Variants in RLIG1 observed in about 807,000 individuals in gnomAD.
RLIG1 encodes RNA ligase 1.
chr12:88,039,605 TA>T, the RLIG1 span, among the ~76,000 whole-genome samples: 1 of 152,162 alleles, frequency 6.6e-6, no homozygotes, highest in Non-Finnish European at 1.5e-5. Context: ...CAAATTTGGT[TA>T]AAGGTTGCCT....
chr12:88,040,643 G>A, the RLIG1 span, among the ~76,000 whole-genome samples: 1 of 152,112 alleles, frequency 6.6e-6, no homozygotes, highest in Non-Finnish European at 1.5e-5. Flanking sequence ...ACCTATGTTC[G>A]TGTGACCCTT....
chr12:88,043,949 T>G, the RLIG1 span: 1 of 502,314 alleles, frequency 2.0e-6, no homozygotes, highest in African/African-American at 2.0e-5. Context: ...TTTTACTAGC[T>G]GTAGTCTGTG....
chr12:88,048,406 T>TAATA, the RLIG1 span: 1 of 1,421,738 alleles, frequency 7.0e-7, no homozygotes, highest in Non-Finnish European at 9.7e-7. Context: ...CTCAAAGATA[T>TAATA]AATATTTGAT....
At chr12:88,045,815 C>T in the RLIG1 span, 1 of 1,537,348 alleles carries the variant, frequency 6.5e-7, no homozygotes, top group Non-Finnish European at 8.9e-7. Flanking sequence ...GTTATTGTAA[C>T]TGACATTTAT....
chr12:88,040,786 C>T, the RLIG1 span, among the ~76,000 whole-genome samples: 1 of 87,070 alleles, frequency 1.1e-5, no homozygotes, highest in South Asian at 4.9e-4. Context: ...AAGAAATGTA[C>T]GGAAAAGAGA....
the RLIG1 span, among the ~76,000 whole-genome samples, chr12:88,039,768 G>A: frequency 3.3e-5 from 5 of 152,020 alleles, no homozygotes; most frequent in Non-Finnish European, 2.9e-5. Flanking sequence ...TTTCACCCAA[G>A]GCAGGTACTT....
the RLIG1 span, among the ~76,000 whole-genome samples, chr12:88,046,258 C>T: frequency 6.6e-6 from 1 of 152,124 alleles, no homozygotes; most frequent in East Asian, 1.9e-4. Context: ...GAAGACAGAC[C>T]TAAGGATGCT....
At chr12:88,043,733 C>G in the RLIG1 span, 1 of 1,540,016 alleles carries the variant, frequency 6.5e-7, no homozygotes, top group Non-Finnish European at 8.9e-7. Flanking sequence ...GATATCTCTT[C>G]TAGTGCAGTT....
chr12:88,043,063 GA>G, the RLIG1 span: 1 of 415,018 alleles, frequency 2.4e-6, no homozygotes, highest in Admixed American at 4.5e-5. Flanking sequence ...TATATAAAAG[GA>G]TATTATTGAA....
chr12:88,035,557 C>T, the RLIG1 span: 213 of 1,334,006 alleles, frequency 1.6e-4, no homozygotes, highest in Middle Eastern at 1.1e-3. Context: ...GTGGCCTGAG[C>T]CGTGCGGGTG....
chr12:88,037,142 A>T, the RLIG1 span, among the ~76,000 whole-genome samples: 4 of 152,152 alleles, frequency 2.6e-5, 1 homozygote, highest in African/African-American at 9.7e-5. Context: ...CATCCTGTGA[A>T]CATATCAACC....
chr12:88,042,813 T>C, the RLIG1 span: 20 of 1,473,672 alleles, frequency 1.4e-5, no homozygotes, highest in East Asian at 2.6e-5. Flanking sequence ...CCTTTTGTTA[T>C]TACTTTTTTA....
chr12:88,049,143 G>A, the RLIG1 span: 11 of 1,213,912 alleles, frequency 9.1e-6, no homozygotes, highest in Admixed American at 1.1e-4. Context: ...AACTTATAAA[G>A]TTAATAAATA....
At chr12:88,048,695 A>G in the RLIG1 span, 3 of 242,482 alleles carry the variant, frequency 1.2e-5, no homozygotes, top group Admixed American at 1.1e-4. Flanking sequence ...GGTAATTTAA[A>G]GACAACAATT....
chr12:88,039,938 T>A, the RLIG1 span, among the ~76,000 whole-genome samples: 1 of 152,288 alleles, frequency 6.6e-6, no homozygotes, highest in Non-Finnish European at 1.5e-5. Context: ...AACTACAGAA[T>A]TGTGTAGAAA....
At chr12:88,049,080 TAGTG>T in the RLIG1 span, 1 of 605,622 alleles carries the variant, frequency 1.7e-6, no homozygotes. Flanking sequence ...AGGTACAAGG[TAGTG>T]AGAAGGAAAT....
the RLIG1 span, among the ~76,000 whole-genome samples, chr12:88,038,677 T>C: frequency 2.0e-5 from 3 of 152,204 alleles, no homozygotes; most frequent in Non-Finnish European, 4.4e-5. Flanking sequence ...GCAGATAATA[T>C]ATTTTCCTAA....
chr12:88,048,671 C>T, the RLIG1 span: 1 of 277,136 alleles, frequency 3.6e-6, no homozygotes, highest in African/African-American at 2.2e-5. Flanking sequence ...GGATTCTCTT[C>T]ACTATAACTG....
the RLIG1 span, chr12:88,044,599 A>G: frequency 6.6e-6 from 1 of 152,362 alleles, no homozygotes; most frequent in South Asian, 2.1e-4. Context: ...ACAGGAATGA[A>G]TACATCAGGT....
Sources: allele counts gnomAD v4.1 joint callset (sites outside exome capture counted in the v4.1 genomes callset), GRCh38; gene constraint gnomAD v4.1.1; transcripts MANE v1.5; gene names NCBI Gene and HGNC (gene_info 2026-07-23, HGNC 2026-07-21).